Variants in CBFA2T3 observed in about 807,000 individuals in gnomAD.
The protein encoded by CBFA2T3 is transcriptional corepressor CBFA2T3.
CBFA2T3 carries 31 observed loss-of-function variants against 58.6 expected under a neutral mutation model. That is an observed-to-expected ratio of 0.53 (90% CI 0.40 to 0.71). The LOEUF (loss-of-function observed/expected upper bound fraction) is 0.71. CBFA2T3 is among the 30% of genes least tolerant of loss of function. The pLI, the probability that CBFA2T3 is intolerant of heterozygous loss-of-function variation, is 0.00. For synonymous variants in CBFA2T3, 531 were observed against 421.9 expected (o/e 1.26, Z -3.17); for missense variants, 1,076 against 963.1 (o/e 1.12, Z -1.55).
chr16:88,914,278 C>G (rs959170725), intron 1 of CBFA2T3, among the ~76,000 whole-genome samples: 3 of 152,220 alleles, frequency 2.0e-5, no homozygotes, highest in African/African-American at 7.2e-5. Flanking sequence ...CCTGACAGCG[C>G]AGTGACCAGA....
rs148984222 is a variant in CBFA2T3, at chr16:88,885,984, G to A, written c.870C>T (p.Asn290=). ...SSELLLEVNE[N]GKRRTPDRTK... ...ACCTGTCGGGCGTCCTCCTCTTGCCGTTCTCGTTGACTTCCAGTAGCAGCT... is the reference window on the plus strand; with the variant it reads ...ACCTGTCGGGCGTCCTCCTCTTGCCATTCTCGTTGACTTCCAGTAGCAGCT... Residue 290 remains asparagine (N), a synonymous_variant, in exon 6 of 12, where the codon AAC becomes AAT. Coordinates refer to ENST00000268679, the MANE Select transcript of CBFA2T3 (RefSeq NM_005187.6). The surrounding 1 kb of genome is among the most constrained non-coding windows in gnomAD (Gnocchi z 5.3). 9.6e-5 allele frequency: 149 copies of A among 1,551,940 alleles called. No individual in the cohort carries two copies. The highest frequency in any genetic ancestry group is 3.7e-4 in the Admixed American group (19 of 51,150).
At chr16:88,896,601 C>A (rs987033785) in intron 3 of CBFA2T3, among the ~76,000 whole-genome samples, 1 of 152,186 alleles carries the variant, frequency 6.6e-6, no homozygotes, top group Non-Finnish European at 1.5e-5. Context: ...CACACACACC[C>A]CGTCAAGACT....
chr16:88,882,172 C>T (rs527397209), intron 8 of CBFA2T3, among the ~76,000 whole-genome samples: 3 of 152,364 alleles, frequency 2.0e-5, no homozygotes, highest in Non-Finnish European at 2.9e-5. Flanking sequence ...TGCGCAGGGA[C>T]GGCGCAGGCC....
At position 88,881,540 on chromosome 16, in the gene CBFA2T3, C is replaced by A. The variant is rs953247967; in HGVS notation, c.1204-51G>T. Reference sequence around the variant, plus strand: ...GCACCTCAGAGGGACCGGGACGCACCAGACACTCCCCCAGCCCACTCGGCC... The same window carrying A: ...GCACCTCAGAGGGACCGGGACGCACAAGACACTCCCCCAGCCCACTCGGCC... On this transcript the variant is annotated intron_variant, in intron 8 of 11. Transcript: ENST00000268679. The A allele has an allele frequency of 3.2e-6, 5 of 1,546,256 alleles. No homozygotes were observed. In the African/African-American group the frequency reaches 5.4e-5, roughly 17 times the overall value.
rs1022187967 is a variant in CBFA2T3 at position 88,958,041 on chromosome 16, C to G, written c.151+18616G>C. Among the ~76,000 whole-genome samples the G allele has an allele frequency of 5.9e-5, 9 of 152,194 alleles. No individual in the cohort carries two copies. The highest frequency in any genetic ancestry group is 2.2e-4 in the African/African-American group (9 of 41,438). ...CTGGAAAACCACAGTAGACCCGGAA[C>G]GAAAGTACCTGTGAGCTGCTCACAA... On this transcript the variant is annotated intron_variant, in intron 1 of 11. Transcript: ENST00000268679. This position sits in a 1 kb window ranked among gnomAD's most constrained non-coding sequence, Gnocchi z 4.0.
chr16:88,874,979 G>A lies in CBFA2T3; in HGVS notation c.*1997C>T, dbSNP rs955548936. Reference sequence around the variant, plus strand: ...ACACGCTCAGCTTCAGGCCTCTGGCGGGCTGTTCGTGGCTGGTTCAGTAGC... The same window carrying A: ...ACACGCTCAGCTTCAGGCCTCTGGCAGGCTGTTCGTGGCTGGTTCAGTAGC... On this transcript the variant is annotated 3_prime_UTR_variant, in exon 12 of 12. Transcript: ENST00000268679. 1.3e-5 allele frequency: 3 copies of A among 233,436 alleles called. No homozygotes were observed. The highest frequency in any genetic ancestry group is 8.5e-6 in the Non-Finnish European group (1 of 117,972). The allele number at this position is 233,436 out of a possible 1,614,324, so 14.5% of individuals were successfully genotyped here. A position where few individuals can be genotyped will look rare whatever the true frequency, so the allele number is the denominator to read the frequency against.
intron 3 of CBFA2T3, among the ~76,000 whole-genome samples, chr16:88,894,433 A>C (rs1473552546): frequency 9.1e-6 from 1 of 109,354 alleles, no homozygotes; most frequent in Admixed American, 8.9e-5. Context: ...ATACACATGC[A>C]CACAATGTAC....
chr16:88,934,859 C>T (rs1276108765), intron 1 of CBFA2T3, among the ~76,000 whole-genome samples: 1 of 152,240 alleles, frequency 6.6e-6, no homozygotes, highest in African/African-American at 2.4e-5. Context: ...CCTGCCTCAG[C>T]CTCCCCAGTA....
At chr16:88,924,571 T>C (rs919263725) in intron 1 of CBFA2T3, among the ~76,000 whole-genome samples, 1 of 151,968 alleles carries the variant, frequency 6.6e-6, no homozygotes, top group Non-Finnish European at 1.5e-5. Context: ...CGGTGCTGTG[T>C]CGTGGGGCCT....
intron 1 of CBFA2T3, chr16:88,951,544 G>A (rs1264396780): frequency 5.5e-6 from 2 of 363,796 alleles, no homozygotes; most frequent in Non-Finnish European, 1.1e-5. Flanking sequence ...TACAAAATCA[G>A]GGTGGCGACC....
At chr16:88,944,336 CAAAAAAAAAAAA>C (rs767482759) in intron 1 of CBFA2T3, among the ~76,000 whole-genome samples, 82 of 42,316 alleles carry the variant, frequency 1.9e-3, no homozygotes, top group Middle Eastern at 0.013. Context: ...GACTCCATCT[CAAAAAAAAAAAA>C]AAAAAAAAAA....
intron 1 of CBFA2T3, among the ~76,000 whole-genome samples, chr16:88,922,116 T>A (rs557893): frequency 1.3e-5 from 2 of 152,202 alleles, no homozygotes; most frequent in African/African-American, 4.8e-5. Flanking sequence ...CTGGGTTCAA[T>A]GGCTGAGGCT....
At chr16:88,960,785 C>G (rs1972336577) in intron 1 of CBFA2T3, among the ~76,000 whole-genome samples, 1 of 152,224 alleles carries the variant, frequency 6.6e-6, no homozygotes, top group Admixed American at 6.5e-5. Flanking sequence ...TGTTTACACC[C>G]CCGTTAGGTT....
At chr16:88,942,389 G>A (rs531825490) in intron 1 of CBFA2T3, among the ~76,000 whole-genome samples, 1 of 152,334 alleles carries the variant, frequency 6.6e-6, no homozygotes, top group South Asian at 2.1e-4. Context: ...GCAGGGCCTT[G>A]GTTTGCCTCT....
Position 88,913,478 on chromosome 16 carries a change from A to G in CBFA2T3, c.152-11822T>C, listed in dbSNP as rs542521311. Among the ~76,000 whole-genome samples, 7 of 152,336 alleles carry G rather than the reference A, an allele frequency of 4.6e-5. No individual in the cohort carries two copies. In the East Asian group the frequency reaches 1.3e-3, roughly 29 times the overall value. ...ACACTTTGGTACTTAGAATCTCAACATATCAGAGCTGCAAGGGACCTGAGA... is the reference window on the plus strand; with the variant it reads ...ACACTTTGGTACTTAGAATCTCAACGTATCAGAGCTGCAAGGGACCTGAGA... On this transcript the variant is annotated intron_variant, in intron 1 of 11. Transcript: ENST00000268679.
intron 1 of CBFA2T3, among the ~76,000 whole-genome samples, chr16:88,959,937 G>A (rs764622398): frequency 6.0e-4 from 91 of 152,278 alleles, no homozygotes; most frequent in Non-Finnish European, 1.2e-3. Context: ...GCTGAGGCAC[G>A]AGAATCACTT....
chr16:88,897,331 G>A (rs796834920), intron 3 of CBFA2T3, among the ~76,000 whole-genome samples: 1 of 152,246 alleles, frequency 6.6e-6, no homozygotes, highest in East Asian at 1.9e-4. Flanking sequence ...TCTTAGAGCC[G>A]GGAGTGCCAC....
intron 5 of CBFA2T3, among the ~76,000 whole-genome samples, chr16:88,887,693 G>T (rs1969437135): frequency 6.6e-6 from 1 of 152,160 alleles, no homozygotes; most frequent in South Asian, 2.1e-4. Flanking sequence ...CTCCTTCAAG[G>T]CAGTGTCCCC....
chr16:88,888,485 GTGC>G, intron 5 of CBFA2T3, among the ~76,000 whole-genome samples: 1 of 926 alleles, frequency 1.1e-3, no homozygotes. Flanking sequence ...GGTTGGGGGG[GTGC>G]GGGTGGGGTT....
Sources: allele counts gnomAD v4.1 joint callset (sites outside exome capture counted in the v4.1 genomes callset), GRCh38; gene constraint gnomAD v4.1.1; non-coding constraint Gnocchi (gnomAD v3.1); transcripts MANE v1.5; gene names NCBI Gene and HGNC (gene_info 2026-07-23, HGNC 2026-07-21).